The following USP42 variants were observed in gnomAD, a reference collection of about 807,000 sequenced individuals.
USP42 encodes the protein ubiquitin carboxyl-terminal hydrolase 42.
A neutral mutation model predicts 113.0 loss-of-function variants in USP42; 23 were observed. That is an observed-to-expected ratio of 0.20 (90% CI 0.15 to 0.29). The LOEUF (loss-of-function observed/expected upper bound fraction) is 0.29, where lower values mean the gene tolerates loss of function less well. Ranked by LOEUF, USP42 falls within the 10% of genes least tolerant of loss-of-function variation. The probability of loss-of-function intolerance (pLI) is 1.00; values close to 1 mark genes in which losing one functional copy is unlikely to be tolerated. For missense variants in USP42, 2,174 were observed against 1,779.8 expected, an observed-to-expected ratio of 1.22 and a Z score of -3.99; for synonymous variants, 933 against 699.0, an observed-to-expected ratio of 1.33 and a Z score of -5.28.
the USP42 span, among the ~76,000 whole-genome samples, chr7:6,092,035 CTTCTTCTTCTTCTTCTTCT>C: frequency 1.0e-5 from 1 of 98,210 alleles, no homozygotes; most frequent in African/African-American, 4.1e-5. Context: ...TCTTCTTCTT[CTTCTTCTTCTTCTTCTTCT>C]TTCTTCTTCT....
chr7:6,136,019 T>A, intron 4 of USP42, 68 bp downstream of exon 4: 1 of 1,066,934 alleles, frequency 9.4e-7, no homozygotes, highest in East Asian at 2.8e-5. Flanking sequence ...TTTTTTTTTT[T>A]TTCGAGACAG....
rs761583358 is a variant in USP42 at position 6,140,118 on chromosome 7, C to A, written c.657-10C>A. ...GCTCTTCTCTCATGTCACTGTTCAA[C>A]GTTTTTCAGATTAGACAGACACACC... On this transcript the variant is annotated splice_polypyrimidine_tract_variant and intron_variant, in intron 5 of 17. Coordinates refer to ENST00000306177, the MANE Select transcript of USP42 (RefSeq NM_032172.3). 2 of 1,613,420 alleles carry A rather than the reference C, an allele frequency of 1.2e-6. No individual in the cohort carries two copies. Among genetic ancestry groups the A allele is most frequent in the Admixed American group, 1.7e-5 (1 of 60,000 alleles).
At chr7:6,145,361 A>G (rs1781660424) in intron 9 of USP42, among the ~76,000 whole-genome samples, 155 bp from the exon 10 acceptor site, 1 of 151,778 alleles carries the variant, frequency 6.6e-6, no homozygotes. Flanking sequence ...TAAATGCACT[A>G]GGTTTTTTAA....
intron 3 of USP42, among the ~76,000 whole-genome samples, chr7:6,129,104 G>A (rs1373037400): frequency 3.3e-5 from 5 of 152,160 alleles, no homozygotes; most frequent in Admixed American, 3.3e-4. Flanking sequence ...GTGCCACTGG[G>A]CCTGTAGCCT....
chr7:6,106,702 C>A (rs112654454), intron 1 of USP42, among the ~76,000 whole-genome samples: 2,955 of 152,080 alleles, frequency 0.019, 54 homozygotes, highest in Non-Finnish European at 0.025. Context: ...GTAGGTAGGA[C>A]TACAGGCACA....
intron 12 of USP42, among the ~76,000 whole-genome samples, chr7:6,148,276 G>T (rs1781833960): frequency 6.6e-6 from 1 of 152,140 alleles, no homozygotes; most frequent in African/African-American, 2.4e-5. Flanking sequence ...GGCAGAGGTT[G>T]CAGTGAGCTG....
rs1284202986 is a variant in USP42 at position 6,159,453 on chromosome 7, A to G, written c.3947A>G (p.Asp1316Gly). The G allele has an allele frequency of 6.2e-7, 1 of 1,613,976 alleles. No homozygotes were observed. Among genetic ancestry groups the G allele is most frequent in the East Asian group, 2.2e-5 (1 of 44,878 alleles). The stretch of plus-strand genomic sequence containing the variant: ...TTTCCTGACCTTTGCTTTCTAGGTG[A>G]TTGAAAACTCAGCCTCAAAACAAAA... Reference protein sequence around the residue: ...RCRLFEYGQGD With the variant: ...RCRLFEYGQGG The change falls in exon 17 of 18, where the codon GAT becomes GGT. Residue 1316 changes from aspartate to glycine, a missense_variant. Coordinates refer to ENST00000306177, the MANE Select transcript of USP42 (RefSeq NM_032172.3). This position sits in a 1 kb window ranked among gnomAD's most constrained non-coding sequence, Gnocchi z 4.1.
chr7:6,111,083 T>C, intron 1 of USP42, 42 bp from the exon 2 acceptor site: 1 of 1,573,690 alleles, frequency 6.4e-7, no homozygotes. Context: ...AGATTGCTTT[T>C]CTCACCTGAT....
chr7:6,100,832 A>C (rs556589790), upstream of USP42, among the ~76,000 whole-genome samples: 1 of 147,798 alleles, frequency 6.8e-6, no homozygotes, highest in Middle Eastern at 3.7e-3. Flanking sequence ...ACACTCAGCT[A>C]ATTTTTTGTA....
chr7:6,112,407 A>C (rs988988607), intron 2 of USP42, among the ~76,000 whole-genome samples: 2 of 152,120 alleles, frequency 1.3e-5, no homozygotes, highest in Admixed American at 1.3e-4. Flanking sequence ...CCAAGATCGC[A>C]CCATTGCATT....
At chr7:6,116,959 C>A in intron 3 of USP42, 1 of 464,072 alleles carries the variant, frequency 2.2e-6, no homozygotes, top group Non-Finnish European at 4.3e-6. Flanking sequence ...TTTTATGCTA[C>A]TGGTAGTTTT....
At chr7:6,141,099 A>G (rs376007876) in intron 7 of USP42, 115 bp downstream of exon 7, 2 of 506,742 alleles carry the variant, frequency 3.9e-6, no homozygotes, top group African/African-American at 2.0e-5. Context: ...AAAATTCAAT[A>G]TGCTAAGATT....
upstream of USP42, among the ~76,000 whole-genome samples, chr7:6,100,742 GGTGCAAGCC>G (rs1393568849): frequency 6.8e-6 from 1 of 146,396 alleles, no homozygotes; most frequent in East Asian, 2.0e-4. Flanking sequence ...GTAGTGCAGT[GGTGCAAGCC>G]CACCTCCCAG....
At chr7:6,121,434 G>A (rs927281184) in intron 3 of USP42, among the ~76,000 whole-genome samples, 2 of 151,736 alleles carry the variant, frequency 1.3e-5, no homozygotes, top group African/African-American at 4.8e-5. Context: ...GTCTTCGTAA[G>A]TATTATTAGC....
chr7:6,146,120 T>TA (rs1208840760), intron 10 of USP42, 28 bp from the exon 11 acceptor site: 1 of 1,420,364 alleles, frequency 7.0e-7, no homozygotes, highest in Non-Finnish European at 9.7e-7. Context: ...AAATCTAATC[T>TA]CTCTCTTTTA....
chr7:6,153,801 G>A lies in USP42; in HGVS notation c.2247G>A (p.Glu749=). 3 of 1,518,416 alleles carry A rather than the reference G, an allele frequency of 2.0e-6. No individual in the cohort carries two copies. Among genetic ancestry groups the A allele is most frequent in the Non-Finnish European group, 2.7e-6 (3 of 1,131,542 alleles). The allele number at this position is 1,518,416 out of a possible 1,614,324, so 94.1% of individuals were successfully genotyped here. Residue 749 remains glutamate (E), a synonymous_variant, in exon 15 of 18, where the codon GAG becomes GAA. Coordinates refer to ENST00000306177, the MANE Select transcript of USP42 (RefSeq NM_032172.3). Reference sequence around the variant, plus strand: ...GCCCTCCCGAGGACCGCGACGCCGAGCCTCAGCCTGGCAGCCCCGCCGCCG... The same window carrying A: ...GCCCTCCCGAGGACCGCGACGCCGAACCTCAGCCTGGCAGCCCCGCCGCCG... ...ERGPPEDRDA[E]PQPGSPAAES...
At chr7:6,128,596 C>A (rs749499171) in intron 3 of USP42, among the ~76,000 whole-genome samples, 16 of 152,114 alleles carry the variant, frequency 1.1e-4, no homozygotes, top group Non-Finnish European at 1.9e-4. Context: ...TTTTAACTCT[C>A]TGCTGCTCTA....
At chr7:6,113,330 C>G (rs1779703001) in intron 2 of USP42, among the ~76,000 whole-genome samples, 1 of 152,094 alleles carries the variant, frequency 6.6e-6, no homozygotes, top group African/African-American at 2.4e-5. Context: ...AGTCCTTTGG[C>G]TTCTCTCCAG....
chr7:6,083,664 A>G, the USP42 span, among the ~76,000 whole-genome samples: 1 of 150,874 alleles, frequency 6.6e-6, no homozygotes, highest in Non-Finnish European at 1.5e-5. Flanking sequence ...TAGTATATTG[A>G]GATATGTATA....
Sources: gnomAD v4.1 joint callset for allele counts (sites outside exome capture counted in the v4.1 genomes callset) on GRCh38, gnomAD v4.1.1 for gene constraint, Gnocchi (gnomAD v3.1) non-coding constraint, MANE v1.5 for transcripts, NCBI Gene and HGNC (gene_info 2026-07-23, HGNC 2026-07-21) for gene names.